The following USH2A variants were observed in gnomAD, a reference collection of about 807,000 sequenced individuals.
The protein encoded by USH2A is usherin, also known as Usher syndrome 2A (autosomal recessive, mild).
USH2A carries 443 observed loss-of-function variants against 538.9 expected under a neutral mutation model. That is an observed-to-expected ratio of 0.82 (90% CI 0.76 to 0.89). The LOEUF is 0.89. Ranked by LOEUF, USH2A falls within the 40% of genes least tolerant of loss-of-function variation. USH2A has a pLI of 0.00. For missense variants in USH2A, 6,633 were observed against 6,324.8 expected (o/e 1.05, Z -1.65); for synonymous variants, 2,413 against 2,273.5 (o/e 1.06, Z -1.75).
At chr1:216,061,704 C>T (rs1173540540) in intron 30 of USH2A, among the ~76,000 whole-genome samples, 1 of 152,188 alleles carries the variant, frequency 6.6e-6, no homozygotes, top group Non-Finnish European at 1.5e-5. Context: ...TAGTTTTGAA[C>T]TACCACCTTG....
At chr1:216,132,339 A>G (rs1178991609) in intron 21 of USH2A, among the ~76,000 whole-genome samples, 1 of 152,078 alleles carries the variant, frequency 6.6e-6, no homozygotes, top group African/African-American at 2.4e-5. Context: ...TGGAGGCCAG[A>G]AATATGTCAT....
At chr1:215,960,200 AT>A (rs1211939452) in intron 37 of USH2A, among the ~76,000 whole-genome samples, 1 of 152,108 alleles carries the variant, frequency 6.6e-6, no homozygotes, top group Non-Finnish European at 1.5e-5. Context: ...CTGTAAAATA[AT>A]GATGTAACCC....
rs139775669 is a variant in USH2A, at chr1:215,865,750, C to A, written c.8845+1257G>T. ...TTAGAAACCTGCAGCCTTATAAAAA[C>A]CAGAGAAAGACAGTTTTCTTTTGTA... On this transcript the variant is annotated intron_variant, in intron 44 of 71. Transcript: ENST00000307340. Among the ~76,000 whole-genome samples the A allele has an allele frequency of 5.3e-5, 8 of 152,270 alleles. No homozygotes were observed. The East Asian group carries it at 1.3e-3, about 26-fold the overall frequency.
Position 215,671,009 on chromosome 1 carries a change from T to G in USH2A, c.14096A>C (p.Asp4699Ala), listed in dbSNP as rs764028250. The G allele has an allele frequency of 6.2e-7, 1 of 1,614,070 alleles. No individual in the cohort carries two copies. The highest frequency in any genetic ancestry group is 1.3e-5 in the African/African-American group (1 of 74,938). The change falls in exon 64 of 72, where the codon GAT becomes GCT. Residue 4699 changes from aspartate (D) to alanine (A), a missense_variant. Coordinates refer to ENST00000307340, the MANE Select transcript of USH2A (RefSeq NM_206933.4). ...IYNGSSTSFI[D>A]SELLPFTEYE... is the part of the protein sequence containing the mutation. Reference sequence around the variant, plus strand: ...CTCTGTGAAAGGCAATAGTTCGGAATCTATAAAAGATGTTGAGCTTCCGTT... The same window carrying G: ...CTCTGTGAAAGGCAATAGTTCGGAAGCTATAAAAGATGTTGAGCTTCCGTT...
chr1:216,355,774 T>C (rs1230524146), intron 4 of USH2A, among the ~76,000 whole-genome samples: 1 of 152,110 alleles, frequency 6.6e-6, no homozygotes, highest in Non-Finnish European at 1.5e-5. Context: ...ACATAATGAA[T>C]CTAAACTGGA....
rs749702843 is a variant in USH2A at position 215,782,098 on chromosome 1, C to A, written c.10684G>T (p.Glu3562Ter). The A allele has an allele frequency of 5.0e-6, 8 of 1,613,950 alleles. No homozygotes were observed. The highest frequency in any genetic ancestry group is 6.8e-6 in the Non-Finnish European group (8 of 1,179,888). Reference protein sequence around the residue: ...SDKEGIQPFQEYSYQLKACTV... With the variant: ...SDKEGIQPFQ ...CAAGCTTTCAGCTGATATGAATATTCCTGAAATGGTTGAATTCCCTCTTTA... is the reference window on the plus strand; with the variant it reads ...CAAGCTTTCAGCTGATATGAATATTACTGAAATGGTTGAATTCCCTCTTTA... The change falls in exon 54 of 72, where the codon GAA becomes TAA. Residue 3562 changes from glutamate (E) to a stop codon, truncating the protein, a stop_gained. Transcript: ENST00000307340. LOFTEE classifies it high-confidence loss of function.
intron 37 of USH2A, among the ~76,000 whole-genome samples, chr1:215,951,184 G>A (rs898907806): frequency 5.3e-5 from 8 of 151,986 alleles, no homozygotes; most frequent in African/African-American, 1.9e-4. Context: ...TTCTCTTGTG[G>A]GCATTTAGTG....
chr1:216,002,399 C>A (rs961749255), intron 32 of USH2A, among the ~76,000 whole-genome samples: 1 of 152,102 alleles, frequency 6.6e-6, no homozygotes, highest in Non-Finnish European at 1.5e-5. Context: ...CTTGTCCTCC[C>A]TGAAAAAGAG....
intron 13 of USH2A, among the ~76,000 whole-genome samples, chr1:216,237,805 C>T (rs950862296): frequency 6.6e-6 from 1 of 152,104 alleles, no homozygotes; most frequent in African/African-American, 2.4e-5. Context: ...TTTTTCTTAT[C>T]AGTGTCTTTT....
intron 11 of USH2A, among the ~76,000 whole-genome samples, chr1:216,281,103 C>T (rs906109019): frequency 1.3e-5 from 2 of 152,048 alleles, no homozygotes; most frequent in African/African-American, 2.4e-5. Context: ...CACAATATCT[C>T]CACATGTAAC....
At chr1:215,683,926 T>C (rs1478310186) in intron 61 of USH2A, among the ~76,000 whole-genome samples, 1 of 152,192 alleles carries the variant, frequency 6.6e-6, no homozygotes, top group African/African-American at 2.4e-5. Flanking sequence ...TTGTCTTTGT[T>C]CATTCTATGT....
Position 215,674,722 on chromosome 1 carries a change from C to A in USH2A, c.13189G>T (p.Glu4397Ter). ...CACAGGCCCTGGCCAGCAAGGGACTCTTTATTATCATATCTAACTAAATAT... is the reference window on the plus strand; with the variant it reads ...CACAGGCCCTGGCCAGCAAGGGACTATTTATTATCATATCTAACTAAATAT... ...TKYLVRYDNK[E>*]SLAGQGLCLL... The change falls in exon 63 of 72, where the codon GAG (glutamate) becomes TAG (stop). Residue 4397 changes from glutamate to a stop codon, truncating the protein, a stop_gained. Transcript: ENST00000307340. LOFTEE classifies it high-confidence loss of function. The A allele has an allele frequency of 6.2e-7, 1 of 1,614,068 alleles. No individual in the cohort carries two copies. The highest frequency in any genetic ancestry group is 8.5e-7 in the Non-Finnish European group (1 of 1,180,020).
chr1:216,364,303 C>T (rs1249951190), intron 4 of USH2A, among the ~76,000 whole-genome samples: 1 of 151,978 alleles, frequency 6.6e-6, no homozygotes, highest in Non-Finnish European at 1.5e-5. Flanking sequence ...CATGAAAATG[C>T]AAACCCCTCA....
At chr1:215,695,894 T>G (rs1357662128) in intron 61 of USH2A, among the ~76,000 whole-genome samples, 3 of 151,968 alleles carry the variant, frequency 2.0e-5, no homozygotes, top group Non-Finnish European at 4.4e-5. Context: ...GAATTACAGG[T>G]GTGTGCCACC....
At chr1:216,293,186 G>A (rs191413545) in intron 9 of USH2A, among the ~76,000 whole-genome samples, 47 of 152,090 alleles carry the variant, frequency 3.1e-4, no homozygotes, top group Middle Eastern at 3.4e-3. Context: ...CACCACGCTT[G>A]GCTAATTTTT....
intron 20 of USH2A, among the ~76,000 whole-genome samples, chr1:216,182,908 T>C (rs529117117): frequency 6.6e-6 from 1 of 152,248 alleles, no homozygotes; most frequent in African/African-American, 2.4e-5. Context: ...TTGCAGATAC[T>C]GAAATAATTC....
Position 215,648,712 on chromosome 1 carries a change from TA to T in USH2A, c.14397del (p.Asn4800ThrfsTer6). On this transcript the variant is annotated frameshift_variant, in exon 66 of 72. Coordinates refer to ENST00000307340, the MANE Select transcript of USH2A (RefSeq NM_206933.4). LOFTEE classifies it high-confidence loss of function. Reference protein sequence around the residue: ...QQTLHGLQAFTNYSIGVEACT... With the variant: ...QQTLHGLQAFXNYSIGVEACT... ...CAGGCCTCTACTCCAATAGAGTAGT[TA>T]GTGAAGGCTTGAAGGCCATGGAGAG... The T allele has an allele frequency of 1.2e-6, 2 of 1,614,174 alleles. No homozygotes were observed.
At chr1:215,897,796 GAAAC>G (rs200667376) in intron 40 of USH2A, among the ~76,000 whole-genome samples, 39 of 152,100 alleles carry the variant, frequency 2.6e-4, no homozygotes, top group Middle Eastern at 6.8e-3. Context: ...GGGAAAGAAA[GAAAC>G]AAAGAAAGAA....
chr1:215,956,198 T>C (rs1243450685), intron 37 of USH2A, among the ~76,000 whole-genome samples: 1 of 152,170 alleles, frequency 6.6e-6, no homozygotes, highest in Non-Finnish European at 1.5e-5. Context: ...AGCACTGAAC[T>C]CTTGCCACAA....
Sources: gnomAD v4.1 joint callset for allele counts (sites outside exome capture counted in the v4.1 genomes callset) on GRCh38, gnomAD v4.1.1 for gene constraint, MANE v1.5 for transcripts, NCBI Gene and HGNC (gene_info 2026-07-23, HGNC 2026-07-21) for gene names.